The following CYP2S1 variants were observed in gnomAD, a reference collection of about 807,000 sequenced individuals.
CYP2S1 encodes the protein cytochrome P450 family 2 subfamily S member 1.
CYP2S1 carries 32 observed loss-of-function variants against 43.5 expected under a neutral mutation model. The ratio of observed to expected loss-of-function variants is 0.74; its 90% CI spans 0.56 to 0.99. The LOEUF (loss-of-function observed/expected upper bound fraction) is 0.99, where lower values mean the gene tolerates loss of function less well. CYP2S1 is among the 50% of genes least tolerant of loss of function. The probability of loss-of-function intolerance (pLI) is 0.00; values close to 1 mark genes in which losing one functional copy is unlikely to be tolerated. For synonymous variants in CYP2S1, 283 were observed against 302.9 expected, an observed-to-expected ratio of 0.93 and a Z score of 0.68; for missense variants, 575 against 673.9, an observed-to-expected ratio of 0.85 and a Z score of 1.62.
At chr19:41,197,978 A>T in intron 3 of CYP2S1, 50 bp downstream of exon 3, 1 of 1,553,024 alleles carries the variant, frequency 6.4e-7, no homozygotes, top group Non-Finnish European at 8.7e-7. Context: ...GAAAGGGAAA[A>T]CTCTCCTACT....
intron 1 of CYP2S1, among the ~76,000 whole-genome samples, chr19:41,194,315 G>C (rs190646019): frequency 6.6e-6 from 1 of 152,192 alleles, no homozygotes; most frequent in African/African-American, 2.4e-5. Flanking sequence ...GCAAGGGAAC[G>C]ACAGGAAGTT....
At chr19:41,206,208 C>G (rs338584) in intron 8 of CYP2S1, 72 bp from the exon 9 acceptor site, 389,247 of 1,609,808 alleles carry the variant, frequency 0.24, 50,157 homozygotes, top group African/African-American at 0.51. Flanking sequence ...GCTCCTCCAC[C>G]TGCTGTTCCC....
chr19:41,204,507 CCCT>C (rs2122167611), intron 7 of CYP2S1, among the ~76,000 whole-genome samples: 1 of 152,194 alleles, frequency 6.6e-6, no homozygotes, highest in South Asian at 2.1e-4. Flanking sequence ...GCAAGCAGCT[CCCT>C]CCTCCACCTT....
Position 41,194,704 on chromosome 19 carries a change from G to T in CYP2S1, c.338G>T (p.Gly113Val). The T allele has an allele frequency of 6.2e-7, 1 of 1,610,642 alleles. No individual in the cohort carries two copies. The highest frequency in any genetic ancestry group is 8.5e-7 in the Non-Finnish European group (1 of 1,178,770). ...GCGATGCTGGAAGGGACTTTTGATG[G>T]CCATGGTAAGTCAAGGGCTGCTAGG... ...TVAMLEGTFD[G>V]HGVFFSNGER... The change falls in exon 2 of 9, where the codon GGC becomes GTC. Residue 113 changes from glycine to valine, a missense_variant. Transcript: ENST00000310054.
Position 41,206,878 on chromosome 19 carries a change from T to C in CYP2S1, c.*390T>C. On this transcript the variant is annotated 3_prime_UTR_variant, in exon 9 of 9. Transcript: ENST00000310054. ...ACACATGTTCACAGCTCACACGCCCTCTCCATTCATCGAACTTCTCAGTGT... is the reference window on the plus strand; with the variant it reads ...ACACATGTTCACAGCTCACACGCCCCCTCCATTCATCGAACTTCTCAGTGT... 1 of 435,116 alleles carries C rather than the reference T, an allele frequency of 2.3e-6. No homozygotes were observed. The highest frequency in any genetic ancestry group is 4.6e-6 in the Non-Finnish European group (1 of 215,756). 27.0% of individuals were successfully genotyped at this position (435,116 alleles called of 1,614,324 possible). A position where few individuals can be genotyped will look rare whatever the true frequency, so the allele number is the denominator to read the frequency against.
intron 1 of CYP2S1, 128 bp from the exon 2 acceptor site, chr19:41,194,416 G>C: frequency 2.4e-6 from 3 of 1,229,440 alleles, no homozygotes; most frequent in Non-Finnish European, 3.3e-6. Context: ...TGCTGGGATG[G>C]GGGCAGGTTC....
intron 2 of CYP2S1, 22 bp downstream of exon 2, chr19:41,194,731 C>T (rs1356335238): frequency 2.5e-6 from 4 of 1,593,598 alleles, no homozygotes; most frequent in African/African-American, 1.4e-5. Flanking sequence ...GCTGCTAGGC[C>T]CTCCGCTCAC....
chr19:41,207,024 G>GAT lies in CYP2S1; in HGVS notation c.*536_*537insAT. ...CTCTCTTGGCTACACCACTCTCCCAGCCTGTGACCACCGATGTCCACACAC... is the reference window on the plus strand; with the variant it reads ...CTCTCTTGGCTACACCACTCTCCCAGATCCTGTGACCACCGATGTCCACACAC... On this transcript the variant is annotated 3_prime_UTR_variant, in exon 9 of 9. Transcript: ENST00000310054. 7.9e-6 allele frequency: 2 copies of GAT among 253,004 alleles called. No homozygotes were observed. The highest frequency in any genetic ancestry group is 7.7e-5 in the South Asian group (2 of 25,834). 15.7% of individuals were successfully genotyped at this position (253,004 alleles called of 1,614,324 possible). A position where few individuals can be genotyped will look rare whatever the true frequency, so the allele number is the denominator to read the frequency against.
chr19:41,204,759 G>A (rs778640344), intron 7 of CYP2S1, among the ~76,000 whole-genome samples: 5 of 151,606 alleles, frequency 3.3e-5, no homozygotes, highest in East Asian at 1.9e-4. Flanking sequence ...CACCACACCC[G>A]GCTAATTTTT....
At chr19:41,194,473 G>A in intron 1 of CYP2S1, 71 bp from the exon 2 acceptor site, 1 of 1,476,048 alleles carries the variant, frequency 6.8e-7, no homozygotes, top group Non-Finnish European at 9.0e-7. Flanking sequence ...TCAAGTGACA[G>A]GGGCCATGAT....
chr19:41,205,421 TC>T lies in CYP2S1; in HGVS notation c.1165-536del, dbSNP rs1568402633. On this transcript the variant is annotated intron_variant, in intron 7 of 8. Transcript: ENST00000310054. ...CTTTCTCTCTTTCTTTCTTTCTTTC[TC>T]TCTCTCTCTCTTTCTTTCTTTTCTT... 0.017 allele frequency among the ~76,000 whole-genome samples: 628 copies of T among 36,334 alleles called. 5 individuals carry two copies. In the African/African-American group the frequency reaches 0.23, roughly 13 times the overall value. 23.8% of individuals were successfully genotyped at this position (36,334 alleles called of 152,430 possible). A position where few individuals can be genotyped will look rare whatever the true frequency, so the allele number is the denominator to read the frequency against.
chr19:41,193,366 C>G lies in CYP2S1; in HGVS notation c.102C>G (p.Pro34=). The G allele has an allele frequency of 6.5e-7, 1 of 1,532,706 alleles. No homozygotes were observed. Among genetic ancestry groups the G allele is most frequent in the Non-Finnish European group, 8.8e-7 (1 of 1,138,862 alleles). 94.9% of individuals were successfully genotyped at this position (1,532,706 alleles called of 1,614,324 possible). A position where few individuals can be genotyped will look rare whatever the true frequency, so the allele number is the denominator to read the frequency against. Residue 34 remains proline (P), a synonymous_variant, in exon 1 of 9, where the codon CCC becomes CCG. Coordinates refer to ENST00000310054, the MANE Select transcript of CYP2S1 (RefSeq NM_030622.8). ...CCAGGGCCCGAGGCCACCTGCCCCC[C>G]GGGCCCACGCCGCTACCACTGCTGG... The part of the protein sequence containing the change: ...SGTRARGHLP[P]GPTPLPLLGN...
Position 41,206,583 on chromosome 19 carries a change from C to A in CYP2S1, c.*95C>A. The A allele has an allele frequency of 6.9e-7, 1 of 1,445,924 alleles. No homozygotes were observed. Among genetic ancestry groups the A allele is most frequent in the Non-Finnish European group, 9.7e-7 (1 of 1,031,914 alleles). The allele number at this position is 1,445,924 out of a possible 1,614,324, so 89.6% of individuals were successfully genotyped here. On this transcript the variant is annotated 3_prime_UTR_variant, in exon 9 of 9. Transcript: ENST00000310054. ...GTTAATGTCTCCAGAGTGTACACTGCAGGCAGCCACATTTACACGCCTGCA... is the reference window on the plus strand; with the variant it reads ...GTTAATGTCTCCAGAGTGTACACTGAAGGCAGCCACATTTACACGCCTGCA...
At chr19:41,205,350 C>CTTTCTTTCTTTT (rs1407273120) in intron 7 of CYP2S1, among the ~76,000 whole-genome samples, 1 of 105,022 alleles carries the variant, frequency 9.5e-6, no homozygotes. Context: ...TTTTTTCTTT[C>CTTTCTTTCTTTT]TTTCTTTCTT....
chr19:41,206,388 T>G lies in CYP2S1; in HGVS notation c.1415T>G (p.Leu472Arg). The change falls in exon 9 of 9, where the codon CTG becomes CGG. Residue 472 changes from leucine to arginine, a missense_variant. Leu to Arg is a moderately radical substitution (Grantham distance 102). Coordinates refer to ENST00000310054, the MANE Select transcript of CYP2S1 (RefSeq NM_030622.8). Reference sequence around the variant, plus strand: ...GAGAGCCCGTGCCCGCCGGACACCCTGAGCCTCAAGCCCACCGTCAGTGGC... The same window carrying G: ...GAGAGCCCGTGCCCGCCGGACACCCGGAGCCTCAAGCCCACCGTCAGTGGC... ...SLESPCPPDT[L>R]SLKPTVSGLF... 6.2e-7 allele frequency: 1 copy of G among 1,614,120 alleles called. No homozygotes were observed. Among genetic ancestry groups the G allele is most frequent in the East Asian group, 2.2e-5 (1 of 44,880 alleles).
In CYP2S1 at chr19:41,198,275, T is replaced by C. The variant is rs1005440421; in HGVS notation, c.494-187T>C. Among the ~76,000 whole-genome samples the C allele has an allele frequency of 1.3e-5, 2 of 152,006 alleles. No individual in the cohort carries two copies. Among genetic ancestry groups the C allele is most frequent in the Non-Finnish European group, 2.9e-5 (2 of 68,006 alleles). ...CCTGTCTGTGTGATGGTCACTCTGT[T>C]TCTTTCTCCCTGTCTGTTTCTCTGT... On this transcript the variant is annotated intron_variant, in intron 3 of 8. Coordinates refer to ENST00000310054, the MANE Select transcript of CYP2S1 (RefSeq NM_030622.8). This position sits in a 1 kb window ranked among gnomAD's most constrained non-coding sequence, Gnocchi z 4.9.
In CYP2S1 at chr19:41,207,478, ACGTTC is replaced by A. The variant is rs2122174553; in HGVS notation, c.*992_*996del. 1 of 153,842 alleles carries A rather than the reference ACGTTC, an allele frequency of 6.5e-6. No homozygotes were observed. The highest frequency in any genetic ancestry group is 2.4e-5 in the African/African-American group (1 of 41,548). 9.5% of individuals were successfully genotyped at this position (153,842 alleles called of 1,614,324 possible). On this transcript the variant is annotated 3_prime_UTR_variant, in exon 9 of 9. Coordinates refer to ENST00000310054, the MANE Select transcript of CYP2S1 (RefSeq NM_030622.8). ...CCTGTCAGGGAGTGAGCCGGATCTG[ACGTTC>A]CTTGTGACTTAAGGGTCCGGCTTGG...
At chr19:41,197,331 G>A (rs1301683323) in intron 2 of CYP2S1, among the ~76,000 whole-genome samples, 1 of 152,176 alleles carries the variant, frequency 6.6e-6, no homozygotes, top group African/African-American at 2.4e-5. Flanking sequence ...CACCTACTGA[G>A]TCCTCATCCC....
intron 6 of CYP2S1, among the ~76,000 whole-genome samples, chr19:41,202,993 C>T (rs1185200857): frequency 3.3e-5 from 5 of 150,830 alleles, no homozygotes; most frequent in South Asian, 2.1e-4. Context: ...CCCAGCTACT[C>T]GGGAGGCTGA....
Sources: gnomAD v4.1 joint callset for allele counts (sites outside exome capture counted in the v4.1 genomes callset) on GRCh38, gnomAD v4.1.1 for gene constraint, Gnocchi (gnomAD v3.1) non-coding constraint, MANE v1.5 for transcripts, NCBI Gene and HGNC (gene_info 2026-07-23, HGNC 2026-07-21) for gene names.